FMN1: variants seen among roughly 807,000 people sequenced by gnomAD.
The protein encoded by FMN1 is formin 1.
A neutral mutation model predicts 132.4 loss-of-function variants in FMN1; 110 were observed. That is an observed-to-expected ratio of 0.83 (90% CI 0.71 to 0.97). The LOEUF (loss-of-function observed/expected upper bound fraction) is 0.97. Among genes scored for constraint, FMN1 ranks in the 50% least tolerant of loss-of-function variants. The pLI is 0.00. For synonymous variants in FMN1, 722 were observed against 651.7 expected (o/e 1.11, Z -1.64); for missense variants, 1,792 against 1,705.3 (o/e 1.05, Z -0.90).
intron 9 of FMN1, among the ~76,000 whole-genome samples, chr15:32,961,527 C>T (rs940027641): frequency 3.3e-5 from 5 of 152,128 alleles, no homozygotes; most frequent in Non-Finnish European, 7.4e-5. Flanking sequence ...GAGTACTATA[C>T]TTTTTCCTCA....
chr15:32,831,785 G>C (rs2058509052), intron 17 of FMN1, among the ~76,000 whole-genome samples: 2 of 149,264 alleles, frequency 1.3e-5, no homozygotes, highest in African/African-American at 5.0e-5. Context: ...TAAGGATGAA[G>C]AATGTGGGTG....
At chr15:33,107,853 G>C (rs345773) in intron 4 of FMN1, among the ~76,000 whole-genome samples, 6 of 151,966 alleles carry the variant, frequency 3.9e-5, no homozygotes, top group African/African-American at 1.4e-4. Flanking sequence ...ATCCCTCTTT[G>C]AAGACATTTA....
chr15:33,056,696 A>T (rs1304971825), intron 6 of FMN1, among the ~76,000 whole-genome samples: 3 of 152,226 alleles, frequency 2.0e-5, no homozygotes, highest in East Asian at 1.9e-4. Flanking sequence ...ACTTTGAACA[A>T]CATCAGTGTC....
intron 4 of FMN1, among the ~76,000 whole-genome samples, chr15:33,128,538 G>A (rs965853291): frequency 3.9e-5 from 6 of 152,226 alleles, no homozygotes; most frequent in African/African-American, 9.6e-5. Context: ...GATATGTTAA[G>A]TAAACACATA....
In FMN1 at chr15:32,995,447, A is replaced by G. The variant is rs145987587; in HGVS notation, c.2223+12567T>C. 3.2e-3 allele frequency among the ~76,000 whole-genome samples: 486 copies of G among 152,296 alleles called. 2 individuals carry two copies. The highest frequency in any genetic ancestry group is 0.011 in the African/African-American group (470 of 41,578). ...GTAAGCTGAGTGTTATTTAGCCTTT[A>G]TGGTATAAATTCTGTTTTCCCAAAT... On this transcript the variant is annotated intron_variant, in intron 7 of 20. Transcript: ENST00000616417.
chr15:32,790,582 T>C (rs1395669224), intron 19 of FMN1, among the ~76,000 whole-genome samples: 1 of 152,238 alleles, frequency 6.6e-6, no homozygotes, highest in African/African-American at 2.4e-5. Flanking sequence ...TCCAGGTGAC[T>C]TGGGAGATCT....
intron 10 of FMN1, 75 bp downstream of exon 10, chr15:32,926,099 T>TG: frequency 1.3e-6 from 1 of 792,620 alleles, no homozygotes; most frequent in East Asian, 2.7e-5. Context: ...ACTTTGTATG[T>TG]GTTTGACATT....
chr15:32,816,945 TA>T (rs2058077138), intron 17 of FMN1, among the ~76,000 whole-genome samples: 1 of 152,100 alleles, frequency 6.6e-6, no homozygotes, highest in South Asian at 2.1e-4. Context: ...TTATAAAGAG[TA>T]AAATTCAGAT....
At chr15:32,784,996 G>A (rs1462355192) in intron 19 of FMN1, among the ~76,000 whole-genome samples, 1 of 151,368 alleles carries the variant, frequency 6.6e-6, no homozygotes, top group East Asian at 1.9e-4. Context: ...TTAATTCTGT[G>A]ACTGCAATTA....
chr15:32,947,934 T>C (rs998829487), intron 9 of FMN1, among the ~76,000 whole-genome samples: 6 of 151,996 alleles, frequency 3.9e-5, no homozygotes, highest in African/African-American at 1.4e-4. Context: ...TCCAATATAT[T>C]TTATTTGATT....
chr15:33,008,541 T>C (rs973428474), intron 6 of FMN1, among the ~76,000 whole-genome samples: 1 of 152,186 alleles, frequency 6.6e-6, no homozygotes, highest in Non-Finnish European at 1.5e-5. Context: ...CAAGGCTAAG[T>C]AAGCACCCAG....
chr15:33,142,503 G>A (rs1028334232), intron 4 of FMN1, among the ~76,000 whole-genome samples: 4 of 152,152 alleles, frequency 2.6e-5, no homozygotes, highest in East Asian at 1.9e-4. Context: ...AGAGAGCAGC[G>A]ATGAGGCTTG....
chr15:32,848,977 G>T (rs370717043), intron 17 of FMN1, among the ~76,000 whole-genome samples: 1,624 of 89,374 alleles, frequency 0.018, 37 homozygotes, highest in African/African-American at 0.048. Context: ...GTTCTCTTTT[G>T]TTTTTTTTTT....
intron 19 of FMN1, among the ~76,000 whole-genome samples, chr15:32,794,170 A>G (rs1418249720): frequency 5.6e-5 from 1 of 17,992 alleles, no homozygotes; most frequent in Non-Finnish European, 2.6e-3. Flanking sequence ...TGGCTGGGTA[A>G]TAAAAAAAAC....
intron 7 of FMN1, among the ~76,000 whole-genome samples, chr15:32,994,006 T>C (rs560498859): frequency 1.3e-5 from 2 of 152,144 alleles, no homozygotes; most frequent in East Asian, 3.9e-4. Context: ...AAGATGAAAT[T>C]GGGAAACCTT....
chr15:33,106,885 C>T (rs528399232), intron 4 of FMN1, among the ~76,000 whole-genome samples: 1 of 152,148 alleles, frequency 6.6e-6, no homozygotes, highest in Non-Finnish European at 1.5e-5. Flanking sequence ...TCTTCTCTGT[C>T]TTCATTCACT....
intron 6 of FMN1, among the ~76,000 whole-genome samples, chr15:33,016,562 G>C (rs1033154475): frequency 6.6e-6 from 1 of 152,186 alleles, no homozygotes; most frequent in African/African-American, 2.4e-5. Context: ...GAAGTAAAGA[G>C]AAAGTAGTCA....
chr15:32,864,357 A>G (rs755695357), intron 16 of FMN1, among the ~76,000 whole-genome samples: 65 of 152,226 alleles, frequency 4.3e-4, no homozygotes, highest in Non-Finnish European at 8.5e-4. Context: ...GGAGACACCG[A>G]CATAAGTTAG....
At chr15:33,108,696 C>T (rs551596903) in intron 4 of FMN1, among the ~76,000 whole-genome samples, 1 of 152,088 alleles carries the variant, frequency 6.6e-6, no homozygotes, top group African/African-American at 2.4e-5. Context: ...TAACTATATC[C>T]TATTCCTCTT....
Sources: allele counts gnomAD v4.1 joint callset (sites outside exome capture counted in the v4.1 genomes callset), GRCh38; gene constraint gnomAD v4.1.1; transcripts MANE v1.5; gene names NCBI Gene and HGNC (gene_info 2026-07-23, HGNC 2026-07-21).